Variants in BARX1 observed in about 807,000 individuals in gnomAD.
BARX1 encodes the protein homeobox protein BarH-like 1.
BARX1 carries 10 observed loss-of-function variants against 19.6 expected under a neutral mutation model. The observed-to-expected ratio is 0.51, with a 90% CI of 0.31 to 0.86. BARX1 has a LOEUF of 0.86. Among genes scored for constraint, BARX1 ranks in the 40% least tolerant of loss-of-function variants. The probability of loss-of-function intolerance (pLI) is 0.04; values close to 1 mark genes in which losing one functional copy is unlikely to be tolerated. For synonymous variants in BARX1, 177 were observed against 170.0 expected (o/e 1.04, Z -0.32); for missense variants, 309 against 360.4 (o/e 0.86, Z 1.15).
rs1356710950 is a variant in BARX1, at chr9:93,952,786, C to A, written c.543G>T (p.Leu181=). The change falls in exon 3 of 4, where the codon CTG becomes CTT. Residue 181 remains leucine (L), a synonymous_variant. Coordinates refer to ENST00000253968, the MANE Select transcript of BARX1 (RefSeq NM_021570.4). ...ACCACGTCTTCACCTGCAACTGGCTCAGGCCCAGGGACTCAGCAAGATCTA... is the reference window on the plus strand; with the variant it reads ...ACCACGTCTTCACCTGCAACTGGCTAAGGCCCAGGGACTCAGCAAGATCTA... ...DRIDLAESLG[L]SQLQVKTWYQ... is the part of the protein sequence containing the mutation. 6.2e-7 allele frequency: 1 copy of A among 1,614,080 alleles called. No homozygotes were observed. Among genetic ancestry groups the A allele is most frequent in the Non-Finnish European group, 8.5e-7 (1 of 1,180,038 alleles).
Position 93,953,069 on chromosome 9 carries a change from C to T in BARX1, c.342G>A (p.Ala114=), listed in dbSNP as rs1013682813. 4 of 1,558,302 alleles carry T rather than the reference C, an allele frequency of 2.6e-6. No homozygotes were observed. The Middle Eastern group carries it at 5.0e-4, about 195-fold the overall frequency. ...GCTGCAACTCGAGCGGCAGGTGTGGCGCACCCGCGGCGCCGGGCAGCCCGG... is the reference window on the plus strand; with the variant it reads ...GCTGCAACTCGAGCGGCAGGTGTGGTGCACCCGCGGCGCCGGGCAGCCCGG... ...AGPGLPGAAG[A]PHLPLELQLR... is the part of the protein sequence containing the mutation. The change falls in exon 2 of 4, where the codon GCG becomes GCA. Residue 114 remains alanine (A), a synonymous_variant. Coordinates refer to ENST00000253968, the MANE Select transcript of BARX1 (RefSeq NM_021570.4).
At chr9:93,954,225 C>T (rs1464647192) in intron 1 of BARX1, among the ~76,000 whole-genome samples, 2 of 152,212 alleles carry the variant, frequency 1.3e-5, no homozygotes, top group Non-Finnish European at 2.9e-5. Context: ...GAGACAGCAC[C>T]ATCAGGGCAG....
intron 1 of BARX1, 24 bp from the exon 2 acceptor site, chr9:93,953,211 C>T (rs1462663231): frequency 6.8e-7 from 1 of 1,478,308 alleles, no homozygotes; most frequent in Non-Finnish European, 8.9e-7. Flanking sequence ...GAATGAGGAC[C>T]CGGGTGAGCT....
In BARX1 at chr9:93,955,065, T is replaced by A; in HGVS notation, c.82A>T (p.Ser28Cys). The A allele has an allele frequency of 7.2e-7, 1 of 1,384,888 alleles. No homozygotes were observed. Among genetic ancestry groups the A allele is most frequent in the Non-Finnish European group, 9.4e-7 (1 of 1,064,570 alleles). The allele number at this position is 1,384,888 out of a possible 1,614,324, so 85.8% of individuals were successfully genotyped here. A position where few individuals can be genotyped will look rare whatever the true frequency, so the allele number is the denominator to read the frequency against. Residue 28 changes from serine (S) to cysteine (C), a missense_variant, in exon 1 of 4, where the codon AGC (serine) becomes TGC (cysteine). Coordinates refer to ENST00000253968, the MANE Select transcript of BARX1 (RefSeq NM_021570.4). This position sits in a 1 kb window ranked among gnomAD's most constrained non-coding sequence, Gnocchi z 4.4. Reference sequence around the variant, plus strand: ...GTGAGGATCTCCTCAATCATGAAGCTGCGATAGCGGTGCGGCCGGTGGTCC... The same window carrying A: ...GTGAGGATCTCCTCAATCATGAAGCAGCGATAGCGGTGCGGCCGGTGGTCC... ...CADHRPHRYR[S>C]FMIEEILTEP...
intron 1 of BARX1, 133 bp from the exon 2 acceptor site, chr9:93,953,320 C>T: frequency 1.9e-6 from 2 of 1,058,222 alleles, no homozygotes; most frequent in Non-Finnish European, 2.6e-6. Context: ...CACGCCCTGC[C>T]GGTCGGCGCC....
Position 93,954,912 on chromosome 9 carries a change from C to A in BARX1, c.223+12G>T. ...CAAGCCCGGCCCGCGACCCCGCGGC[C>A]GCCACACGTACCCAGGTGGCTGTGG... On this transcript the variant is annotated intron_variant, in intron 1 of 3. Coordinates refer to ENST00000253968, the MANE Select transcript of BARX1 (RefSeq NM_021570.4). 1 of 1,306,698 alleles carries A rather than the reference C, an allele frequency of 7.7e-7. No individual in the cohort carries two copies. 80.9% of individuals were successfully genotyped at this position (1,306,698 alleles called of 1,614,324 possible). A position where few individuals can be genotyped will look rare whatever the true frequency, so the allele number is the denominator to read the frequency against.
chr9:93,953,274 C>T (rs565394950), intron 1 of BARX1, 87 bp from the exon 2 acceptor site: 80 of 1,398,688 alleles, frequency 5.7e-5, no homozygotes, highest in Non-Finnish European at 7.2e-5. Context: ...CGCGGGGGTG[C>T]TCGCGCTTGG....
At chr9:93,952,439 G>T (rs559881146) in intron 3 of BARX1, 111 bp from the exon 4 acceptor site, 281 of 1,396,918 alleles carry the variant, frequency 2.0e-4, no homozygotes, top group Non-Finnish European at 2.6e-4. Context: ...TGAGGAAATG[G>T]TGGGGAAATG....
At position 93,952,342 on chromosome 9, in the gene BARX1, C is replaced by T; in HGVS notation, c.601-14G>A. On this transcript the variant is annotated splice_polypyrimidine_tract_variant and intron_variant, in intron 3 of 3. Coordinates refer to ENST00000253968, the MANE Select transcript of BARX1 (RefSeq NM_021570.4). ...GCCCTGCAGCACCTGCACGGGGGAC[C>T]GCCAGCACCTGGGTGAGCCAGCACG... is the stretch of plus-strand genomic sequence containing the variant. 1.2e-6 allele frequency: 2 copies of T among 1,602,902 alleles called. No homozygotes were observed. Among genetic ancestry groups the T allele is most frequent in the Non-Finnish European group, 1.7e-6 (2 of 1,178,660 alleles).
rs1587808367 is a variant in BARX1 at position 93,952,088 on chromosome 9, C to T, written c.*76G>A. 2.6e-6 allele frequency: 4 copies of T among 1,523,916 alleles called. No individual in the cohort carries two copies. The highest frequency in any genetic ancestry group is 2.8e-5 in the African/African-American group (2 of 72,626). 94.4% of individuals were successfully genotyped at this position (1,523,916 alleles called of 1,614,324 possible). ...AGTAAACTTCTTGGACGCGGAAGGGCCGGCTCGCGGGTTTCCGCCGAGTGA... is the reference window on the plus strand; with the variant it reads ...AGTAAACTTCTTGGACGCGGAAGGGTCGGCTCGCGGGTTTCCGCCGAGTGA... On this transcript the variant is annotated 3_prime_UTR_variant, in exon 4 of 4. Transcript: ENST00000253968.
In BARX1 at chr9:93,954,985, G is replaced by A. The variant is rs914913664; in HGVS notation, c.162C>T (p.Gly54=). 92 of 1,398,486 alleles carry A rather than the reference G, an allele frequency of 6.6e-5. No individual in the cohort carries two copies. The highest frequency in any genetic ancestry group is 7.8e-5 in the Non-Finnish European group (84 of 1,078,130). 86.6% of individuals were successfully genotyped at this position (1,398,486 alleles called of 1,614,324 possible). ...AAPAAAAAAA[G]ELLKFGVQAL... is the part of the protein sequence containing the mutation. Reference sequence around the variant, plus strand: ...CCTGCACGCCGAACTTCAGCAGCTCGCCCGCCGCGGCAGCGGCGGCTGCGG... The same window carrying A: ...CCTGCACGCCGAACTTCAGCAGCTCACCCGCCGCGGCAGCGGCGGCTGCGG... The change falls in exon 1 of 4, where the codon GGC becomes GGT. Residue 54 remains glycine, a synonymous_variant. Coordinates refer to ENST00000253968, the MANE Select transcript of BARX1 (RefSeq NM_021570.4).
At position 93,952,884 on chromosome 9, in the gene BARX1, G is replaced by A. The variant is rs759634854; in HGVS notation, c.515+12C>T. ...CCCACAGCCCGCTGGCCCCAGCCTT[G>A]TACCGCCCTACCTGTCCGGCGTGGA... On this transcript the variant is annotated intron_variant, in intron 2 of 3. Coordinates refer to ENST00000253968, the MANE Select transcript of BARX1 (RefSeq NM_021570.4). 1.2e-5 allele frequency: 19 copies of A among 1,608,814 alleles called. No homozygotes were observed. The Admixed American group carries it at 2.9e-4, about 24-fold the overall frequency.
chr9:93,953,100 G>A lies in BARX1; in HGVS notation c.311C>T (p.Ala104Val), dbSNP rs1829121512. Reference protein sequence around the residue: ...CSGLSSALLAAGPGLPGAAGA... With the variant: ...CSGLSSALLAVGPGLPGAAGA... ...CGCGGCGCCGGGCAGCCCGGGCCCT[G>A]CCGCCAGCAACGCAGAGCTCAGCCC... The change falls in exon 2 of 4, where the codon GCA becomes GTA. Residue 104 changes from alanine to valine, a missense_variant. Ala to Val is a moderately conservative substitution (Grantham distance 64, BLOSUM62 0). This residue lies in a region of BARX1 where 204 missense variants were observed against 206.8 expected (regional missense o/e 0.99). Transcript: ENST00000253968. 6.4e-7 allele frequency: 1 copy of A among 1,557,236 alleles called. No homozygotes were observed. Among genetic ancestry groups the A allele is most frequent in the Non-Finnish European group, 8.7e-7 (1 of 1,151,930 alleles).
Position 93,953,069 on chromosome 9 carries a change from C to G in BARX1, c.342G>C (p.Ala114=), listed in dbSNP as rs1013682813. The change falls in exon 2 of 4, where the codon GCG becomes GCC. Residue 114 remains alanine (A), a synonymous_variant. Coordinates refer to ENST00000253968, the MANE Select transcript of BARX1 (RefSeq NM_021570.4). The stretch of plus-strand genomic sequence containing the variant: ...GCTGCAACTCGAGCGGCAGGTGTGG[C>G]GCACCCGCGGCGCCGGGCAGCCCGG... ...AGPGLPGAAG[A]PHLPLELQLR... 7 of 1,558,184 alleles carry G rather than the reference C, an allele frequency of 4.5e-6. No individual in the cohort carries two copies. In the Admixed American group the frequency reaches 5.8e-5, roughly 13 times the overall value.
chr9:93,955,023 T>A lies in BARX1; in HGVS notation c.124A>T (p.Lys42Ter). 1 of 1,400,448 alleles carries A rather than the reference T, an allele frequency of 7.1e-7. No homozygotes were observed. Among genetic ancestry groups the A allele is most frequent in the South Asian group, 1.5e-5 (1 of 67,962 alleles). The allele number at this position is 1,400,448 out of a possible 1,614,324, so 86.8% of individuals were successfully genotyped here. A position where few individuals can be genotyped will look rare whatever the true frequency, so the allele number is the denominator to read the frequency against. The change falls in exon 1 of 4, where the codon AAG (lysine) becomes TAG (stop). Residue 42 changes from lysine to a stop codon, truncating the protein, a stop_gained. Coordinates refer to ENST00000253968, the MANE Select transcript of BARX1 (RefSeq NM_021570.4). LOFTEE classifies it high-confidence loss of function. The surrounding 1 kb of genome is among the most constrained non-coding windows in gnomAD (Gnocchi z 4.4). ...GCGGCGGCTGCGGGCGCGGCGCCCT[T>A]GGGCCCGGGTGGCTCCGTGAGGATC... ...EEILTEPPGPKGAAPAAAAAA... is the reference protein window; with the variant it reads ...EEILTEPPGP
chr9:93,952,382 C>A (rs1829112919), intron 3 of BARX1, 54 bp from the exon 4 acceptor site: 1 of 1,572,750 alleles, frequency 6.4e-7, no homozygotes, highest in Non-Finnish European at 8.6e-7. Flanking sequence ...CTGGGGACCC[C>A]CGAGGAGACT....
At chr9:93,954,461 C>T (rs1002024232) in intron 1 of BARX1, among the ~76,000 whole-genome samples, 1 of 152,208 alleles carries the variant, frequency 6.6e-6, no homozygotes, top group Non-Finnish European at 1.5e-5. Context: ...GGCTTGGGCC[C>T]GCGTCAGCAC....
At position 93,952,123 on chromosome 9, in the gene BARX1, G is replaced by A. The variant is rs1291933356; in HGVS notation, c.*41C>T. On this transcript the variant is annotated 3_prime_UTR_variant, in exon 4 of 4. Coordinates refer to ENST00000253968, the MANE Select transcript of BARX1 (RefSeq NM_021570.4). ...GGTTTCCGCCGAGTGAGGGGGCTGCGGGTGGCGCGGGCATCCCAGGCCCCG... is the reference window on the plus strand; with the variant it reads ...GGTTTCCGCCGAGTGAGGGGGCTGCAGGTGGCGCGGGCATCCCAGGCCCCG... 2 of 1,585,426 alleles carry A rather than the reference G, an allele frequency of 1.3e-6. No homozygotes were observed. The highest frequency in any genetic ancestry group is 1.7e-5 in the Admixed American group (1 of 58,588).
chr9:93,953,320 CGGT>C, intron 1 of BARX1, 133 bp from the exon 2 acceptor site: 3 of 1,058,222 alleles, frequency 2.8e-6, no homozygotes, highest in Non-Finnish European at 3.9e-6. Flanking sequence ...CACGCCCTGC[CGGT>C]CGGCGCCGGT....
Sources: gnomAD v4.1 joint callset for allele counts (sites outside exome capture counted in the v4.1 genomes callset) on GRCh38, gnomAD v4.1.1 for gene constraint, gnomAD v4.1.1 regional missense constraint, Gnocchi (gnomAD v3.1) non-coding constraint, MANE v1.5 for transcripts, NCBI Gene and HGNC (gene_info 2026-07-23, HGNC 2026-07-21) for gene names.